RUNDC3B: variants seen among roughly 807,000 people sequenced by gnomAD.
RUNDC3B encodes the protein RUN domain-containing protein 3B.
Under a neutral mutation model 58.4 loss-of-function variants are expected in RUNDC3B, and 33 were observed. The ratio of observed to expected loss-of-function variants is 0.56; its 90% CI spans 0.43 to 0.75. The LOEUF (loss-of-function observed/expected upper bound fraction) is 0.75, where lower values mean the gene tolerates loss of function less well. RUNDC3B is among the 30% of genes least tolerant of loss of function. The pLI is 0.00. For missense variants in RUNDC3B, 501 were observed against 535.7 expected, an observed-to-expected ratio of 0.94 and a Z score of 0.64; for synonymous variants, 193 against 195.2, an observed-to-expected ratio of 0.99 and a Z score of 0.10.
In RUNDC3B at chr7:87,720,683, C is replaced by T. The variant is rs117001434; in HGVS notation, c.458+10028C>T. On this transcript the variant is annotated intron_variant, in intron 4 of 10. Transcript: ENST00000394654. ...GTGGTGAGCTCTGGCTCACTGCAGC[C>T]TCCACCTCCTGGGTTCAAATGATTC... Among the ~76,000 whole-genome samples, 448 of 151,652 alleles carry T rather than the reference C, an allele frequency of 3.0e-3. 5 individuals carry two copies. In the East Asian group the frequency reaches 0.046, roughly 16 times the overall value.
chr7:87,687,330 C>T (rs1341431936), intron 2 of RUNDC3B, among the ~76,000 whole-genome samples: 1 of 152,060 alleles, frequency 6.6e-6, no homozygotes. Flanking sequence ...GAATGGTTAA[C>T]ACCCTCATCC....
intron 8 of RUNDC3B, among the ~76,000 whole-genome samples, chr7:87,792,155 G>A (rs1193954520): frequency 1.3e-5 from 2 of 152,036 alleles, no homozygotes; most frequent in Non-Finnish European, 2.9e-5. Flanking sequence ...AATTCAGTAG[G>A]GGGCTATAAT....
intron 1 of RUNDC3B, among the ~76,000 whole-genome samples, chr7:87,640,127 A>T (rs955399020): frequency 6.7e-6 from 1 of 149,958 alleles, no homozygotes; most frequent in African/African-American, 2.4e-5. Flanking sequence ...AACTTTTACT[A>T]CTTCTCCAAT....
chr7:87,762,227 A>G (rs920550911), intron 6 of RUNDC3B, among the ~76,000 whole-genome samples: 2 of 151,562 alleles, frequency 1.3e-5, no homozygotes, highest in African/African-American at 2.4e-5. Context: ...AAAATTATTC[A>G]TATAGTTTTT....
chr7:87,733,172 G>A (rs149095857), intron 4 of RUNDC3B, among the ~76,000 whole-genome samples: 31 of 152,224 alleles, frequency 2.0e-4, no homozygotes, highest in Admixed American at 5.2e-4. Flanking sequence ...CACAAAGGTC[G>A]CATTCCATTC....
chr7:87,691,668 C>T (rs142159877), intron 2 of RUNDC3B, among the ~76,000 whole-genome samples: 11 of 152,194 alleles, frequency 7.2e-5, no homozygotes, highest in Non-Finnish European at 1.6e-4. Flanking sequence ...TAAGGATTTA[C>T]GTTTTATATA....
At chr7:87,813,922 A>G (rs1227293938) in intron 9 of RUNDC3B, among the ~76,000 whole-genome samples, 1 of 151,642 alleles carries the variant, frequency 6.6e-6, no homozygotes, top group Admixed American at 6.6e-5. Context: ...CGGAGCTTGC[A>G]GTGAGCGGAG....
rs543243362 is a variant in RUNDC3B at position 87,770,575 on chromosome 7, T to C, written c.630-6T>C. ...TAACTTTTTTTTAAAATTTTGATCTTCCCAGTTCTGATAGTATCAGCAGTG... is the reference window on the plus strand; with the variant it reads ...TAACTTTTTTTTAAAATTTTGATCTCCCCAGTTCTGATAGTATCAGCAGTG... On this transcript the variant is annotated splice_region_variant and splice_polypyrimidine_tract_variant and intron_variant, in intron 6 of 10. Transcript: ENST00000394654. The C allele has an allele frequency of 1.2e-6, 2 of 1,610,158 alleles. No homozygotes were observed. The highest frequency in any genetic ancestry group is 2.2e-5 in the South Asian group (2 of 90,560).
At chr7:87,681,916 T>C (rs1385888717) in intron 2 of RUNDC3B, among the ~76,000 whole-genome samples, 2 of 152,220 alleles carry the variant, frequency 1.3e-5, no homozygotes, top group African/African-American at 4.8e-5. Flanking sequence ...CTCTCTAGCA[T>C]GCAATGTTAT....
At chr7:87,724,739 A>G (rs1450509062) in intron 4 of RUNDC3B, among the ~76,000 whole-genome samples, 1 of 152,096 alleles carries the variant, frequency 6.6e-6, no homozygotes. Context: ...GGACACTTCT[A>G]TTTTTATACC....
chr7:87,737,890 CATT>C (rs1389346190), intron 4 of RUNDC3B, among the ~76,000 whole-genome samples: 1 of 152,004 alleles, frequency 6.6e-6, no homozygotes, highest in African/African-American at 2.4e-5. Context: ...CTCATTAAAA[CATT>C]ATTATATGCA....
chr7:87,804,077 A>G (rs1193781817), intron 8 of RUNDC3B, among the ~76,000 whole-genome samples: 1 of 152,172 alleles, frequency 6.6e-6, no homozygotes, highest in Admixed American at 6.5e-5. Context: ...ATTAAACTGT[A>G]TGAGACTCAC....
intron 6 of RUNDC3B, among the ~76,000 whole-genome samples, chr7:87,752,287 T>C (rs1833055672): frequency 6.6e-6 from 1 of 152,226 alleles, no homozygotes; most frequent in South Asian, 2.1e-4. Context: ...CAGTATTTTA[T>C]TGAGGATTTT....
At chr7:87,672,607 A>G (rs572703774) in intron 2 of RUNDC3B, among the ~76,000 whole-genome samples, 51 of 152,242 alleles carry the variant, frequency 3.3e-4, no homozygotes, top group African/African-American at 1.1e-3. Flanking sequence ...AAAGCCCAGT[A>G]TCTAAGCCTC....
chr7:87,765,987 A>G (rs1475018785), intron 6 of RUNDC3B, among the ~76,000 whole-genome samples: 4 of 152,274 alleles, frequency 2.6e-5, no homozygotes, highest in South Asian at 2.1e-4. Context: ...TGTTGGATGC[A>G]TATATATTTA....
chr7:87,656,371 AG>A (rs1824106979), intron 2 of RUNDC3B, among the ~76,000 whole-genome samples: 1 of 152,144 alleles, frequency 6.6e-6, no homozygotes, highest in Non-Finnish European at 1.5e-5. Flanking sequence ...ATGCATTAGT[AG>A]TATTAAGAAA....
chr7:87,768,331 T>A (rs562492304), intron 6 of RUNDC3B, among the ~76,000 whole-genome samples: 1 of 152,286 alleles, frequency 6.6e-6, no homozygotes, highest in African/African-American at 2.4e-5. Flanking sequence ...CACCGAGGAC[T>A]AGATCTCCAG....
At chr7:87,770,891 G>A (rs1320639350) in intron 7 of RUNDC3B, 142 bp downstream of exon 7, 1 of 539,656 alleles carries the variant, frequency 1.9e-6, no homozygotes. Flanking sequence ...TCCTCTTAAT[G>A]AAAAATCAGG....
At chr7:87,661,829 C>T (rs1320596636) in intron 2 of RUNDC3B, among the ~76,000 whole-genome samples, 1 of 152,038 alleles carries the variant, frequency 6.6e-6, no homozygotes, top group Non-Finnish European at 1.5e-5. Flanking sequence ...AACCCCTATA[C>T]TTTTCTCCAT....
Sources: allele counts gnomAD v4.1 joint callset (sites outside exome capture counted in the v4.1 genomes callset), GRCh38; gene constraint gnomAD v4.1.1; transcripts MANE v1.5; gene names NCBI Gene and HGNC (gene_info 2026-07-23, HGNC 2026-07-21).